Variants in TAFA1 observed in about 807,000 individuals in gnomAD.
TAFA1 encodes the protein chemokine-like protein TAFA-1.
A neutral mutation model predicts 18.5 loss-of-function variants in TAFA1; 4 were observed. That is an observed-to-expected ratio of 0.22 (90% CI 0.11 to 0.49). The LOEUF (loss-of-function observed/expected upper bound fraction) is 0.49, where lower values mean the gene tolerates loss of function less well. Ranked by LOEUF, TAFA1 falls within the 20% of genes least tolerant of loss-of-function variation. The pLI is 0.98. For synonymous variants in TAFA1, 56 were observed against 55.2 expected (o/e 1.01, Z -0.06); for missense variants, 147 against 169.0 (o/e 0.87, Z 0.72).
chr3:68,418,365 C>A (rs936802594), intron 3 of TAFA1, among the ~76,000 whole-genome samples: 1 of 151,718 alleles, frequency 6.6e-6, no homozygotes, highest in Admixed American at 6.6e-5. Context: ...AGTGGGGGAG[C>A]TTTTTGAGCC....
intron 2 of TAFA1, among the ~76,000 whole-genome samples, chr3:68,331,122 ACTAGTAC>A (rs965841812): frequency 3.0e-5 from 2 of 66,126 alleles, no homozygotes; most frequent in African/African-American, 9.9e-5. Flanking sequence ...AATATTAAGT[ACTAGTAC>A]ATGCTATAAC....
chr3:68,311,676 C>A (rs2068519803), intron 2 of TAFA1, among the ~76,000 whole-genome samples: 1 of 152,246 alleles, frequency 6.6e-6, no homozygotes, highest in Admixed American at 6.5e-5. Context: ...AGCTTCACCC[C>A]TGTGGCTTCA....
chr3:68,091,118 G>T (rs1333558386), intron 2 of TAFA1, among the ~76,000 whole-genome samples: 1 of 152,250 alleles, frequency 6.6e-6, no homozygotes, highest in Middle Eastern at 3.4e-3. Context: ...TTAGCTGAAA[G>T]ATTTACCCTA....
rs1161407677 is a variant in TAFA1, at chr3:68,223,159, A to G, written c.119-194121A>G. Among the ~76,000 whole-genome samples, 4 of 152,254 alleles carry G rather than the reference A, an allele frequency of 2.6e-5. No individual in the cohort carries two copies. In the East Asian group the frequency reaches 7.7e-4, roughly 29 times the overall value. On this transcript the variant is annotated intron_variant, in intron 2 of 4. Transcript: ENST00000478136. ...GGGTGAACATCTTTCCTGTCAAAATAATCAGTGTGATTTCCTTGAGGGCCT... is the reference window on the plus strand; with the variant it reads ...GGGTGAACATCTTTCCTGTCAAAATGATCAGTGTGATTTCCTTGAGGGCCT...
intron 2 of TAFA1, among the ~76,000 whole-genome samples, chr3:68,112,857 A>G (rs908061681): frequency 6.6e-6 from 1 of 152,200 alleles, no homozygotes; most frequent in African/African-American, 2.4e-5. Flanking sequence ...CAATTATAAA[A>G]GATATGGAAT....
chr3:68,246,148 T>G (rs1187508505), intron 2 of TAFA1, among the ~76,000 whole-genome samples: 1 of 152,186 alleles, frequency 6.6e-6, no homozygotes, highest in Non-Finnish European at 1.5e-5. Flanking sequence ...ACCTTGGAAC[T>G]GTTGGCATCC....
At chr3:68,334,160 A>T (rs1559621922) in intron 2 of TAFA1, among the ~76,000 whole-genome samples, 1 of 152,222 alleles carries the variant, frequency 6.6e-6, no homozygotes, top group South Asian at 2.1e-4. Context: ...CACACATAAA[A>T]TAATGCTATG....
At chr3:68,039,586 T>C (rs916346670) in intron 2 of TAFA1, among the ~76,000 whole-genome samples, 11 of 152,218 alleles carry the variant, frequency 7.2e-5, no homozygotes, top group Admixed American at 5.2e-4. Flanking sequence ...TTTCATCTTA[T>C]AGATCTCCTA....
At chr3:68,205,392 A>G (rs1424567683) in intron 2 of TAFA1, among the ~76,000 whole-genome samples, 1 of 151,818 alleles carries the variant, frequency 6.6e-6, no homozygotes, top group Non-Finnish European at 1.5e-5. Context: ...GAAAATGACT[A>G]CGAGGGGATA....
intron 2 of TAFA1, among the ~76,000 whole-genome samples, chr3:68,138,042 G>T (rs373653888): frequency 8.6e-5 from 13 of 151,450 alleles, no homozygotes; most frequent in African/African-American, 2.2e-4. Flanking sequence ...TTAGGGCAAA[G>T]AATTTGAAAA....
chr3:68,042,113 C>T (rs1705176931), intron 2 of TAFA1, among the ~76,000 whole-genome samples: 1 of 152,154 alleles, frequency 6.6e-6, no homozygotes, highest in South Asian at 2.1e-4. Flanking sequence ...CATGACTGAC[C>T]TCCATTCTTC....
At chr3:68,036,528 AT>A (rs1705053061) in intron 2 of TAFA1, among the ~76,000 whole-genome samples, 1 of 151,918 alleles carries the variant, frequency 6.6e-6, no homozygotes, top group Non-Finnish European at 1.5e-5. Context: ...GGCATCATTT[AT>A]AAGTTGATTG....
intron 2 of TAFA1, among the ~76,000 whole-genome samples, chr3:68,172,919 G>A (rs2066074954): frequency 6.6e-6 from 1 of 152,118 alleles, no homozygotes; most frequent in Admixed American, 6.6e-5. Context: ...TCTCTTTAGG[G>A]TGGTAAAATG....
chr3:68,394,679 A>G (rs542029351), intron 2 of TAFA1, among the ~76,000 whole-genome samples: 1 of 152,148 alleles, frequency 6.6e-6, no homozygotes, highest in South Asian at 2.1e-4. Flanking sequence ...TCTTCCACAA[A>G]CAAAAACAAG....
chr3:68,432,546 C>G (rs1484767867), intron 3 of TAFA1, among the ~76,000 whole-genome samples: 2 of 151,994 alleles, frequency 1.3e-5, no homozygotes, highest in East Asian at 1.9e-4. Context: ...TTGATTACCT[C>G]CAACCATAAA....
intron 2 of TAFA1, among the ~76,000 whole-genome samples, chr3:68,013,200 T>C (rs1036857428): frequency 6.6e-6 from 1 of 152,122 alleles, no homozygotes; most frequent in Non-Finnish European, 1.5e-5. Context: ...GGAATGAAGA[T>C]TTTGGTGGAA....
chr3:68,226,721 T>C (rs893693136), intron 2 of TAFA1, among the ~76,000 whole-genome samples: 2 of 152,162 alleles, frequency 1.3e-5, no homozygotes, highest in East Asian at 3.9e-4. Context: ...AGAGCATGAA[T>C]TATTAGCTTT....
chr3:68,129,305 A>C (rs922150321), intron 2 of TAFA1, among the ~76,000 whole-genome samples: 1 of 152,180 alleles, frequency 6.6e-6, no homozygotes, highest in Admixed American at 6.5e-5. Flanking sequence ...AAGCCACACA[A>C]GTTGAAGGAA....
At chr3:68,380,651 T>G (rs535187531) in intron 2 of TAFA1, among the ~76,000 whole-genome samples, 1 of 152,326 alleles carries the variant, frequency 6.6e-6, no homozygotes, top group East Asian at 1.9e-4. Context: ...TTGAGTTCAT[T>G]GTAGATTCTG....
Sources: allele counts gnomAD v4.1 joint callset (sites outside exome capture counted in the v4.1 genomes callset), GRCh38; gene constraint gnomAD v4.1.1; transcripts MANE v1.5; gene names NCBI Gene and HGNC (gene_info 2026-07-23, HGNC 2026-07-21).